MLLT3: variants seen among roughly 807,000 people sequenced by gnomAD.
The protein encoded by MLLT3 is MLLT3 super elongation complex subunit.
In MLLT3, 4 loss-of-function variants were observed where a neutral mutation model predicts 53.2. The observed-to-expected ratio is 0.08, with a 90% CI of 0.04 to 0.17. MLLT3 has a LOEUF of 0.17. Among genes scored for constraint, MLLT3 ranks in the 10% least tolerant of loss-of-function variants. The pLI, the probability that MLLT3 is intolerant of heterozygous loss-of-function variation, is 1.00. For missense variants in MLLT3, 569 were observed against 684.0 expected (o/e 0.83, Z 1.87); for synonymous variants, 283 against 230.6 (o/e 1.23, Z -2.06).
At position 20,343,271 on chromosome 9, in the gene MLLT3, A is replaced by C. The variant is rs146093220; in HGVS notation, c.*3172T>G. 1.0e-5 allele frequency: 2 copies of C among 191,456 alleles called. No individual in the cohort carries two copies. The highest frequency in any genetic ancestry group is 6.2e-5 in the Admixed American group (1 of 16,108). 11.9% of individuals were successfully genotyped at this position (191,456 alleles called of 1,614,324 possible). A position where few individuals can be genotyped will look rare whatever the true frequency, so the allele number is the denominator to read the frequency against. On this transcript the variant is annotated 3_prime_UTR_variant, in exon 11 of 11. Transcript: ENST00000380338. ...AATATTACTGGCTCTTTCCACCAAAAGGTGAATATTCAGATTAGAGAGATT... is the reference window on the plus strand; with the variant it reads ...AATATTACTGGCTCTTTCCACCAAACGGTGAATATTCAGATTAGAGAGATT...
intron 2 of MLLT3, among the ~76,000 whole-genome samples, chr9:20,597,469 C>G (rs1339258868): frequency 6.6e-6 from 1 of 152,078 alleles, no homozygotes; most frequent in Non-Finnish European, 1.5e-5. Context: ...TATTAAAAAT[C>G]TGAATAAGAT....
chr9:20,482,448 T>C (rs1824687057), intron 2 of MLLT3, among the ~76,000 whole-genome samples: 2 of 152,234 alleles, frequency 1.3e-5, no homozygotes, highest in African/African-American at 4.8e-5. Context: ...CAATTTCCCC[T>C]TCTCGGGTCA....
At chr9:20,615,365 A>G (rs1820805040) in intron 2 of MLLT3, among the ~76,000 whole-genome samples, 3 of 142,892 alleles carry the variant, frequency 2.1e-5, no homozygotes, top group African/African-American at 7.9e-5. Context: ...CATGTGAAAA[A>G]AAAAAAAAAA....
intron 2 of MLLT3, among the ~76,000 whole-genome samples, chr9:20,503,638 T>G (rs893919453): frequency 2.6e-5 from 4 of 152,074 alleles, no homozygotes; most frequent in African/African-American, 9.7e-5. Flanking sequence ...TTCTGGGTGA[T>G]GATTCTTTGG....
chr9:20,354,493 A>G (rs1341857910), intron 9 of MLLT3, among the ~76,000 whole-genome samples: 1 of 152,234 alleles, frequency 6.6e-6, no homozygotes, highest in African/African-American at 2.4e-5. Context: ...TGTCTTGCTC[A>G]TCTACATCTG....
In MLLT3 at chr9:20,345,575, G is replaced by C. The variant is rs1304566787; in HGVS notation, c.*868C>G. The C allele has an allele frequency of 1.5e-5, 3 of 203,628 alleles. No individual in the cohort carries two copies. The highest frequency in any genetic ancestry group is 1.9e-4 in the South Asian group (1 of 5,218). 12.6% of individuals were successfully genotyped at this position (203,628 alleles called of 1,614,324 possible). On this transcript the variant is annotated 3_prime_UTR_variant, in exon 11 of 11. Coordinates refer to ENST00000380338, the MANE Select transcript of MLLT3 (RefSeq NM_004529.4). ...TATTGTAACAGTAAAACAGACACAA[G>C]AATGTTGATGACAGCTCAACAATGC...
At chr9:20,464,360 A>G (rs899951778) in intron 2 of MLLT3, among the ~76,000 whole-genome samples, 1 of 152,122 alleles carries the variant, frequency 6.6e-6, no homozygotes, top group Non-Finnish European at 1.5e-5. Context: ...TTGCCTGCTA[A>G]GTACAAGTTC....
rs758921316 is a variant in MLLT3, at chr9:20,414,125, G to C, written c.721C>G (p.Pro241Ala). The change falls in exon 5 of 11, where the codon CCA becomes GCA. Residue 241 changes from proline to alanine, a missense_variant. Physicochemically the swap from Pro to Ala is conservative, Grantham distance 27. Transcript: ENST00000380338. ...GGAACTATTTTCTCTTCTTTCAGTG[G>C]TTTATTTTCTTTGGGTTTCTTAGAG... ...ESSKKPKENK[P>A]LKEEKIVPKM... The C allele has an allele frequency of 6.2e-7, 1 of 1,613,788 alleles. No homozygotes were observed. Among genetic ancestry groups the C allele is most frequent in the Non-Finnish European group, 8.5e-7 (1 of 1,179,960 alleles).
intron 2 of MLLT3, among the ~76,000 whole-genome samples, chr9:20,515,814 C>T (rs1370137531): frequency 2.6e-5 from 4 of 152,132 alleles, no homozygotes; most frequent in African/African-American, 9.7e-5. Context: ...TGACCTTATC[C>T]GGATCAGGCT....
chr9:20,579,004 G>A (rs1305796615), intron 2 of MLLT3, among the ~76,000 whole-genome samples: 1 of 152,080 alleles, frequency 6.6e-6, no homozygotes, highest in East Asian at 1.9e-4. Context: ...TATTTCTATT[G>A]TACAGCGTTG....
intron 2 of MLLT3, among the ~76,000 whole-genome samples, chr9:20,583,360 G>A (rs1471007725): frequency 3.3e-5 from 5 of 152,136 alleles, no homozygotes. Flanking sequence ...CAGGAGCACT[G>A]TGCAAGCAGT....
chr9:20,528,173 G>C (rs915067198), intron 2 of MLLT3, among the ~76,000 whole-genome samples: 1 of 152,176 alleles, frequency 6.6e-6, no homozygotes, highest in African/African-American at 2.4e-5. Flanking sequence ...CCATCCTAAT[G>C]ATTTCCATCT....
At chr9:20,549,046 C>T (rs766539151) in intron 2 of MLLT3, among the ~76,000 whole-genome samples, 60 of 152,106 alleles carry the variant, frequency 3.9e-4, no homozygotes, top group Non-Finnish European at 8.8e-5. Context: ...AACTCCTGGG[C>T]TCAAGCAATC....
chr9:20,510,877 A>T (rs1303901191), intron 2 of MLLT3, among the ~76,000 whole-genome samples: 1 of 152,200 alleles, frequency 6.6e-6, no homozygotes, highest in East Asian at 1.9e-4. Context: ...GTACTCAAGA[A>T]TGCTTTGCCA....
At chr9:20,596,647 G>A (rs968713104) in intron 2 of MLLT3, among the ~76,000 whole-genome samples, 1 of 152,104 alleles carries the variant, frequency 6.6e-6, no homozygotes, top group African/African-American at 2.4e-5. Flanking sequence ...GCTGAGATGT[G>A]CCACTGCACT....
chr9:20,571,232 G>T (rs1324969526), intron 2 of MLLT3, among the ~76,000 whole-genome samples: 1 of 152,118 alleles, frequency 6.6e-6, no homozygotes, highest in Non-Finnish European at 1.5e-5. Flanking sequence ...CCTTTTAACT[G>T]CAACAAAAGC....
In MLLT3 at chr9:20,585,233, G is replaced by C. The variant is rs4977433; in HGVS notation, c.193+35421C>G. Among the ~76,000 whole-genome samples, 710 of 151,990 alleles carry C rather than the reference G, an allele frequency of 4.7e-3. 2 individuals carry two copies. The highest frequency in any genetic ancestry group is 0.015 in the African/African-American group (624 of 41,420). ...CTTCTCACCGTGTCCTCAAACAACC[G>C]GGGGGCAGGCAGGCCTCTTTTCAGT... is the stretch of plus-strand genomic sequence containing the variant. On this transcript the variant is annotated intron_variant, in intron 2 of 10. Transcript: ENST00000380338.
chr9:20,528,484 G>A (rs975701540), intron 2 of MLLT3, among the ~76,000 whole-genome samples: 6 of 152,196 alleles, frequency 3.9e-5, no homozygotes, highest in Non-Finnish European at 5.9e-5. Flanking sequence ...CAGTTCTGGA[G>A]GCGAGTAGCT....
At chr9:20,377,303 A>G (rs1298844404) in intron 5 of MLLT3, among the ~76,000 whole-genome samples, 1 of 152,216 alleles carries the variant, frequency 6.6e-6, no homozygotes, top group East Asian at 1.9e-4. Context: ...TAAGAAATTT[A>G]AAATAGTGGA....
Sources: allele counts gnomAD v4.1 joint callset (sites outside exome capture counted in the v4.1 genomes callset), GRCh38; gene constraint gnomAD v4.1.1; transcripts MANE v1.5; gene names NCBI Gene and HGNC (gene_info 2026-07-23, HGNC 2026-07-21).